TRIM2: variants seen among roughly 807,000 people sequenced by gnomAD.
The protein encoded by TRIM2 is tripartite motif-containing protein 2.
Under a neutral mutation model 75.2 loss-of-function variants are expected in TRIM2, and 20 were observed. The ratio of observed to expected loss-of-function variants is 0.27; its 90% confidence interval spans 0.19 to 0.39. The LOEUF is 0.39. Ranked by LOEUF, TRIM2 falls within the 10% of genes least tolerant of loss-of-function variation. The pLI is 1.00. For missense variants in TRIM2, 660 were observed against 990.8 expected (o/e 0.67, Z 4.48); for synonymous variants, 373 against 388.3 (o/e 0.96, Z 0.46).
Position 153,338,426 on chromosome 4 carries a change from T to G in TRIM2, c.*3460T>G, listed in dbSNP as rs114936310. The G allele has an allele frequency of 1.0e-6, 1 of 985,588 alleles. No individual in the cohort carries two copies. The highest frequency in any genetic ancestry group is 1.7e-5 in the African/African-American group (1 of 57,212). The allele number at this position is 985,588 out of a possible 1,614,324, so 61.1% of individuals were successfully genotyped here. A position where few individuals can be genotyped will look rare whatever the true frequency, so the allele number is the denominator to read the frequency against. On this transcript the variant is annotated 3_prime_UTR_variant, in exon 12 of 12. Transcript: ENST00000338700. ...AATTTAAAAACAAGACATCTCCAGG[T>G]AGGAAAAAATGAAAGCTATTTCATG... is the stretch of plus-strand genomic sequence containing the variant.
rs1176560689 is a variant in TRIM2, at chr4:153,337,764, G to C, written c.*2798G>C. 16 of 985,722 alleles carry C rather than the reference G, an allele frequency of 1.6e-5. No homozygotes were observed. Among genetic ancestry groups the C allele is most frequent in the Non-Finnish European group, 1.9e-5 (16 of 829,944 alleles). The allele number at this position is 985,722 out of a possible 1,614,324, so 61.1% of individuals were successfully genotyped here. On this transcript the variant is annotated 3_prime_UTR_variant, in exon 12 of 12. Coordinates refer to ENST00000338700, the MANE Select transcript of TRIM2 (RefSeq NM_015271.5). The stretch of plus-strand genomic sequence containing the variant: ...ATTGTTTGATTTCTCTTTGTCAAGT[G>C]TATAGAACCTGTCATACATTCATGA...
intron 1 of TRIM2, among the ~76,000 whole-genome samples, chr4:153,179,482 C>T (rs981563843): frequency 3.3e-5 from 5 of 152,150 alleles, no homozygotes; most frequent in African/African-American, 9.6e-5. Context: ...TCCTCTGTTG[C>T]CACCTACCTG....
intron 1 of TRIM2, among the ~76,000 whole-genome samples, chr4:153,233,003 A>C (rs1560853555): frequency 6.6e-6 from 1 of 152,274 alleles, no homozygotes; most frequent in East Asian, 1.9e-4. Flanking sequence ...CCCCCTCTCT[A>C]GACATAGATT....
intron 1 of TRIM2, among the ~76,000 whole-genome samples, chr4:153,212,065 C>G (rs899238547): frequency 1.3e-5 from 2 of 152,106 alleles, no homozygotes; most frequent in Admixed American, 6.5e-5. Context: ...CTACATTTCC[C>G]AGCCTGTCAG....
At chr4:153,314,292 C>A (rs1035737731) in intron 6 of TRIM2, among the ~76,000 whole-genome samples, 2 of 145,424 alleles carry the variant, frequency 1.4e-5, no homozygotes, top group African/African-American at 5.5e-5. Context: ...TAGTGGCGGG[C>A]GCCTGTAGTC....
intron 1 of TRIM2, among the ~76,000 whole-genome samples, chr4:153,243,190 T>C (rs1399356356): frequency 6.6e-6 from 1 of 152,242 alleles, no homozygotes; most frequent in Non-Finnish European, 1.5e-5. Context: ...GGCCTGAGGC[T>C]AGGGTGGAGC....
chr4:153,237,524 C>CA (rs1410141632), intron 1 of TRIM2, among the ~76,000 whole-genome samples: 2 of 151,970 alleles, frequency 1.3e-5, no homozygotes, highest in African/African-American at 4.8e-5. Context: ...ACTGAAAATA[C>CA]AAAAAATTAG....
chr4:153,211,616 C>T (rs572563895), intron 1 of TRIM2, among the ~76,000 whole-genome samples: 1 of 151,280 alleles, frequency 6.6e-6, no homozygotes, highest in East Asian at 1.9e-4. Flanking sequence ...CTCCCAAGTA[C>T]CTGGGACTAC....
chr4:153,234,491 A>G (rs960007470), intron 1 of TRIM2, among the ~76,000 whole-genome samples: 2 of 152,214 alleles, frequency 1.3e-5, no homozygotes, highest in Admixed American at 1.3e-4. Context: ...ATATGTATCT[A>G]TTACTGGACT....
intron 3 of TRIM2, among the ~76,000 whole-genome samples, chr4:153,286,938 AT>A (rs200618546): frequency 0.018 from 2,752 of 151,754 alleles, 74 homozygotes; most frequent in African/African-American, 0.063. Context: ...TGCATGAAAT[AT>A]TTTTTTCATT....
At chr4:153,172,438 T>A (rs572411527) in intron 1 of TRIM2, among the ~76,000 whole-genome samples, 1 of 152,148 alleles carries the variant, frequency 6.6e-6, no homozygotes, top group African/African-American at 2.4e-5. Context: ...CCGCCCGCCT[T>A]GGCCTCCCAA....
intron 1 of TRIM2, among the ~76,000 whole-genome samples, chr4:153,186,166 C>G (rs1034421041): frequency 2.0e-5 from 3 of 152,148 alleles, no homozygotes; most frequent in Non-Finnish European, 4.4e-5. Flanking sequence ...CCCACAACAT[C>G]AGCAGTGCCC....
At position 153,274,770 on chromosome 4, in the gene TRIM2, G is replaced by A. The variant is rs540868390; in HGVS notation, c.216-1123G>A. Reference sequence around the variant, plus strand: ...AATTTTTCAATAAAAAGGAAGGTGAGCAGAGCAATAATCAAGCTTAATGAT... The same window carrying A: ...AATTTTTCAATAAAAAGGAAGGTGAACAGAGCAATAATCAAGCTTAATGAT... On this transcript the variant is annotated intron_variant, in intron 2 of 11. Transcript: ENST00000338700. Among the ~76,000 whole-genome samples the A allele has an allele frequency of 9.2e-5, 14 of 152,272 alleles. No homozygotes were observed. In the South Asian group the frequency reaches 2.9e-3, roughly 32 times the overall value.
At chr4:153,301,471 T>A (rs1003487012) in intron 6 of TRIM2, among the ~76,000 whole-genome samples, 4 of 152,252 alleles carry the variant, frequency 2.6e-5, no homozygotes, top group Non-Finnish European at 4.4e-5. Context: ...GGTGATCCTT[T>A]GCTGTACAGC....
intron 6 of TRIM2, among the ~76,000 whole-genome samples, chr4:153,296,768 A>G (rs867795827): frequency 3.4e-4 from 52 of 152,346 alleles, no homozygotes; most frequent in African/African-American, 1.1e-3. Flanking sequence ...AACTAAATGT[A>G]AACAGCAAAG....
At chr4:153,330,119 G>A (rs1469752168) in intron 11 of TRIM2, among the ~76,000 whole-genome samples, 2 of 151,990 alleles carry the variant, frequency 1.3e-5, no homozygotes, top group Non-Finnish European at 2.9e-5. Context: ...CACAACTCCC[G>A]TATGAAATAA....
intron 1 of TRIM2, among the ~76,000 whole-genome samples, chr4:153,169,466 T>C (rs1462103674): frequency 6.6e-6 from 1 of 152,246 alleles, no homozygotes; most frequent in East Asian, 1.9e-4. Flanking sequence ...TAATATGCTC[T>C]TCTTATGATG....
intron 1 of TRIM2, among the ~76,000 whole-genome samples, chr4:153,166,261 TTTTG>T (rs879705989): frequency 5.3e-5 from 8 of 152,220 alleles, no homozygotes; most frequent in Non-Finnish European, 5.9e-5. Flanking sequence ...ATTTGTTTGT[TTTTG>T]TTTATTTGTT....
At chr4:153,313,431 A>G (rs1185070369) in intron 6 of TRIM2, among the ~76,000 whole-genome samples, 1 of 152,092 alleles carries the variant, frequency 6.6e-6, no homozygotes, top group Admixed American at 6.5e-5. Context: ...GATTCTGCCC[A>G]GCAATTTTGT....
Sources: allele counts gnomAD v4.1 joint callset (sites outside exome capture counted in the v4.1 genomes callset), GRCh38; gene constraint gnomAD v4.1.1; transcripts MANE v1.5; gene names NCBI Gene and HGNC (gene_info 2026-07-23, HGNC 2026-07-21).